SPATA31F1: variants seen among roughly 807,000 people sequenced by gnomAD.
SPATA31F1 encodes SPATA31 subfamily F member 1, also known as protein SPATA31F1.
At chr9:34,726,623 T>G in the SPATA31F1 span, 2,048 of 1,551,950 alleles carry the variant, frequency 1.3e-3, no homozygotes, top group Admixed American at 1.6e-3. Context: ...TTGAAATTCC[T>G]GCCCTAGCTG....
At chr9:34,726,923 A>G in the SPATA31F1 span, 10 of 1,551,698 alleles carry the variant, frequency 6.4e-6, no homozygotes, top group Non-Finnish European at 8.7e-6. Context: ...AGAATTGCAG[A>G]TTTGGCAGCA....
the SPATA31F1 span, chr9:34,726,844 T>G: frequency 3.2e-6 from 5 of 1,551,782 alleles, no homozygotes; most frequent in Non-Finnish European, 4.4e-6. Context: ...AGCCCTGCAA[T>G]GGCCCCGATA....
the SPATA31F1 span, chr9:34,726,487 C>T: frequency 5.2e-6 from 8 of 1,551,674 alleles, no homozygotes; most frequent in African/African-American, 6.8e-5. Context: ...TCAAGTGATG[C>T]TGGCCTTGGT....
chr9:34,728,563 A>T, the SPATA31F1 span: 1 of 1,537,782 alleles, frequency 6.5e-7, no homozygotes, highest in East Asian at 2.4e-5. Context: ...GATTCATGGG[A>T]AACACCCACA....
the SPATA31F1 span, chr9:34,724,672 G>A: frequency 4.5e-6 from 7 of 1,545,856 alleles, no homozygotes; most frequent in Non-Finnish European, 6.1e-6. Flanking sequence ...CTGCAGGCTG[G>A]AACTCTTTTG....
the SPATA31F1 span, chr9:34,723,708 C>T: frequency 7.1e-6 from 11 of 1,551,584 alleles, no homozygotes; most frequent in Non-Finnish European, 9.6e-6. Context: ...AAAGGCTTAG[C>T]CTGAGTTGGT....
the SPATA31F1 span, chr9:34,723,588 A>T: frequency 6.4e-7 from 1 of 1,551,756 alleles, no homozygotes; most frequent in Non-Finnish European, 8.7e-7. Context: ...TGCTGCAGAA[A>T]ACATTTAATT....
chr9:34,725,727 G>C, the SPATA31F1 span: 1 of 1,547,594 alleles, frequency 6.5e-7, no homozygotes, highest in Non-Finnish European at 8.7e-7. Flanking sequence ...TGAGCTCGTT[G>C]ATGGTCAGAT....
At chr9:34,727,124 G>A in the SPATA31F1 span, 1 of 1,415,024 alleles carries the variant, frequency 7.1e-7, no homozygotes, top group South Asian at 1.5e-5. Context: ...CTACCTGTCT[G>A]CTTTCCTTGC....
the SPATA31F1 span, chr9:34,724,043 C>T: frequency 2.0e-6 from 3 of 1,527,144 alleles, no homozygotes; most frequent in Non-Finnish European, 2.7e-6. Context: ...GCGCCCAAAC[C>T]CCGCATCCCC....
the SPATA31F1 span, chr9:34,724,515 T>C: frequency 6.4e-7 from 1 of 1,551,442 alleles, no homozygotes; most frequent in South Asian, 1.2e-5. Flanking sequence ...TTCCTTGCCC[T>C]AATGGGAATT....
chr9:34,725,066 T>C, the SPATA31F1 span: 3 of 1,551,876 alleles, frequency 1.9e-6, no homozygotes, highest in Middle Eastern at 3.3e-4. Flanking sequence ...ACTTGCTGTC[T>C]GCAGTTCCAG....
At chr9:34,724,036 C>G in the SPATA31F1 span, 2 of 1,535,428 alleles carry the variant, frequency 1.3e-6, no homozygotes, top group Non-Finnish European at 1.8e-6. Flanking sequence ...TTGAGGAGCG[C>G]CCAAACCCCG....
chr9:34,729,446 A>G, the SPATA31F1 span: 1 of 1,542,158 alleles, frequency 6.5e-7, no homozygotes, highest in Non-Finnish European at 8.8e-7. Context: ...CTTCATTAGC[A>G]TGAGATCAAC....
At chr9:34,728,231 G>A in the SPATA31F1 span, 41 of 663,724 alleles carry the variant, frequency 6.2e-5, no homozygotes, top group African/African-American at 4.7e-4. Flanking sequence ...GTACAGCATC[G>A]CTGTAACACA....
At chr9:34,723,218 G>C in the SPATA31F1 span, 1 of 1,548,646 alleles carries the variant, frequency 6.5e-7, no homozygotes, top group African/African-American at 1.4e-5. Context: ...TCTATCTGAG[G>C]TGAGGGTCAG....
the SPATA31F1 span, chr9:34,724,354 T>A: frequency 1.5e-5 from 24 of 1,551,092 alleles, no homozygotes; most frequent in African/African-American, 2.2e-4. Flanking sequence ...CCAGCTGTTC[T>A]TTAAGGTGAA....
chr9:34,726,526 C>T, the SPATA31F1 span: 30 of 1,551,742 alleles, frequency 1.9e-5, no homozygotes, highest in African/African-American at 5.5e-5. Flanking sequence ...GGTTGCTCTG[C>T]GTCATCTCCT....
At chr9:34,728,722 C>T in the SPATA31F1 span, 30 of 1,370,776 alleles carry the variant, frequency 2.2e-5, no homozygotes, top group Non-Finnish European at 3.1e-5. Flanking sequence ...CAAAATGAGA[C>T]AAAACTTACA....
Sources: allele counts gnomAD v4.1 joint callset, GRCh38; gene constraint gnomAD v4.1.1; transcripts MANE v1.5; gene names NCBI Gene and HGNC (gene_info 2026-07-23, HGNC 2026-07-21).